NOS1AP: variants seen among roughly 807,000 people sequenced by gnomAD.
NOS1AP encodes nitric oxide synthase 1 adaptor protein, also known as carboxyl-terminal PDZ ligand of neuronal nitric oxide synthase protein.
A neutral mutation model predicts 56.2 loss-of-function variants in NOS1AP; 21 were observed. The ratio of observed to expected loss-of-function variants is 0.37; its 90% CI spans 0.26 to 0.54. The LOEUF (loss-of-function observed/expected upper bound fraction) is 0.54. NOS1AP is among the 20% of genes least tolerant of loss of function. The probability of loss-of-function intolerance (pLI) is 0.84; values close to 1 mark genes in which losing one functional copy is unlikely to be tolerated. For synonymous variants in NOS1AP, 270 were observed against 274.6 expected, an observed-to-expected ratio of 0.98 and a Z score of 0.17; for missense variants, 522 against 657.8, an observed-to-expected ratio of 0.79 and a Z score of 2.26.
chr1:162,301,400 G>A (rs994002769), intron 4 of NOS1AP, among the ~76,000 whole-genome samples: 27 of 152,172 alleles, frequency 1.8e-4, no homozygotes, highest in African/African-American at 2.4e-5. Flanking sequence ...ACTAGATGCC[G>A]AATCTGCCAG....
At chr1:162,077,323 C>T (rs1691790728) in intron 1 of NOS1AP, among the ~76,000 whole-genome samples, 2 of 152,014 alleles carry the variant, frequency 1.3e-5, no homozygotes, top group African/African-American at 2.4e-5. Context: ...TAGAATGTCT[C>T]CTCATTCCCT....
chr1:162,341,882 G>A (rs1485875464), intron 5 of NOS1AP, among the ~76,000 whole-genome samples: 1 of 152,184 alleles, frequency 6.6e-6, no homozygotes, highest in African/African-American at 2.4e-5. Flanking sequence ...TAGAAAGCTG[G>A]AGTGTTCCTA....
chr1:162,305,442 T>A (rs1264922119), intron 4 of NOS1AP, among the ~76,000 whole-genome samples: 1 of 152,074 alleles, frequency 6.6e-6, no homozygotes, highest in African/African-American at 2.4e-5. Flanking sequence ...TCACAGGAAG[T>A]GATTCGCTAT....
chr1:162,127,574 A>T (rs1558111812), intron 1 of NOS1AP, among the ~76,000 whole-genome samples: 1 of 151,952 alleles, frequency 6.6e-6, no homozygotes, highest in Admixed American at 6.6e-5. Context: ...TGCAAACTGT[A>T]TAGGAAGATT....
At chr1:162,128,147 A>T (rs573499314) in intron 1 of NOS1AP, among the ~76,000 whole-genome samples, 4 of 151,946 alleles carry the variant, frequency 2.6e-5, no homozygotes, top group African/African-American at 7.2e-5. Flanking sequence ...TTTTTTTTTT[A>T]AATGTAATTC....
In NOS1AP at chr1:162,367,534, T is replaced by C; in HGVS notation, c.*67T>C. The C allele has an allele frequency of 1.4e-6, 2 of 1,467,198 alleles. No homozygotes were observed. The highest frequency in any genetic ancestry group is 1.8e-6 in the Non-Finnish European group (2 of 1,099,158). 90.9% of individuals were successfully genotyped at this position (1,467,198 alleles called of 1,614,324 possible). A position where few individuals can be genotyped will look rare whatever the true frequency, so the allele number is the denominator to read the frequency against. ...GGGCCGTGTCTGGCTGCTGCCCGGG[T>C]AGGGGATGCCCAGTGAATGTGCACT... is the stretch of plus-strand genomic sequence containing the variant. On this transcript the variant is annotated 3_prime_UTR_variant, in exon 10 of 10. Transcript: ENST00000361897. This position sits in a 1 kb window ranked among gnomAD's most constrained non-coding sequence, Gnocchi z 6.5.
At chr1:162,225,417 T>C (rs1652909631) in intron 2 of NOS1AP, among the ~76,000 whole-genome samples, 1 of 152,236 alleles carries the variant, frequency 6.6e-6, no homozygotes. Context: ...ATCACTCACC[T>C]TCCTGAGCCT....
At chr1:162,179,919 T>C (rs1651192147) in intron 2 of NOS1AP, among the ~76,000 whole-genome samples, 1 of 152,014 alleles carries the variant, frequency 6.6e-6, no homozygotes, top group Non-Finnish European at 1.5e-5. Context: ...ATGCAGAGGA[T>C]GGATTGGGAG....
At chr1:162,089,232 C>T (rs899630998) in intron 1 of NOS1AP, among the ~76,000 whole-genome samples, 60 of 152,246 alleles carry the variant, frequency 3.9e-4, no homozygotes, top group African/African-American at 1.4e-3. Context: ...CTGATATTTC[C>T]AATATCTTAA....
At chr1:162,344,481 A>G (rs2101807718) in intron 6 of NOS1AP, among the ~76,000 whole-genome samples, 1 of 152,210 alleles carries the variant, frequency 6.6e-6, no homozygotes, top group South Asian at 2.1e-4. Flanking sequence ...AGATCACTTG[A>G]GCCCAGGAGT....
At chr1:162,304,375 C>G (rs1443896092) in intron 4 of NOS1AP, among the ~76,000 whole-genome samples, 1 of 152,182 alleles carries the variant, frequency 6.6e-6, no homozygotes, top group Admixed American at 6.5e-5. Context: ...AATTGTCTGT[C>G]TTGACACTAG....
At chr1:162,209,968 A>G (rs766286046) in intron 2 of NOS1AP, among the ~76,000 whole-genome samples, 1 of 152,158 alleles carries the variant, frequency 6.6e-6, no homozygotes, top group Non-Finnish European at 1.5e-5. Context: ...AGAGATAGAG[A>G]TATCAGACGA....
chr1:162,310,996 A>G (rs892049812), intron 4 of NOS1AP, among the ~76,000 whole-genome samples: 1 of 151,750 alleles, frequency 6.6e-6, no homozygotes, highest in Non-Finnish European at 1.5e-5. Flanking sequence ...TCTCCCTACA[A>G]ATATGTTCAG....
At chr1:162,266,020 A>G (rs1654411259) in intron 2 of NOS1AP, among the ~76,000 whole-genome samples, 2 of 152,306 alleles carry the variant, frequency 1.3e-5, no homozygotes, top group East Asian at 3.9e-4. Flanking sequence ...AGAGATGACA[A>G]AGGACAAAGA....
At chr1:162,351,442 AT>A (rs1260844322) in intron 6 of NOS1AP, among the ~76,000 whole-genome samples, 1 of 152,058 alleles carries the variant, frequency 6.6e-6, no homozygotes, top group African/African-American at 2.4e-5. Context: ...CCGATTACAC[AT>A]TTGTGATCCC....
At position 162,310,085 on chromosome 1, in the gene NOS1AP, AC is replaced by A. The variant is rs147655046; in HGVS notation, c.344+9380del. Among the ~76,000 whole-genome samples the A allele has an allele frequency of 6.8e-3, 1,037 of 152,024 alleles. 10 individuals are homozygous for A. The highest frequency in any genetic ancestry group is 0.023 in the African/African-American group (971 of 41,440). Reference sequence around the variant, plus strand: ...ATCAGAGACCTCCCAGACAGAGATGACTCTATATCTTCCCTTCTTCCACATC... The same window carrying A: ...ATCAGAGACCTCCCAGACAGAGATGATCTATATCTTCCCTTCTTCCACATC... On this transcript the variant is annotated intron_variant, in intron 4 of 9. Coordinates refer to ENST00000361897, the MANE Select transcript of NOS1AP (RefSeq NM_014697.3).
At chr1:162,116,839 C>T (rs1012819869) in intron 1 of NOS1AP, among the ~76,000 whole-genome samples, 1 of 152,202 alleles carries the variant, frequency 6.6e-6, no homozygotes, top group Admixed American at 6.5e-5. Flanking sequence ...CTCCCAACAG[C>T]TGCATCCTTT....
intron 8 of NOS1AP, among the ~76,000 whole-genome samples, chr1:162,360,288 G>A (rs182965212): frequency 3.0e-4 from 46 of 152,296 alleles, no homozygotes; most frequent in Admixed American, 9.8e-4. Flanking sequence ...CCGCTCTTCC[G>A]ACCCAGCATG....
intron 1 of NOS1AP, among the ~76,000 whole-genome samples, chr1:162,081,907 C>G (rs186691638): frequency 1.9e-4 from 29 of 150,872 alleles, no homozygotes; most frequent in African/African-American, 5.4e-4. Context: ...CCTGGCCCCA[C>G]TTCTATTTTT....
Sources: gnomAD v4.1 joint callset for allele counts (sites outside exome capture counted in the v4.1 genomes callset) on GRCh38, gnomAD v4.1.1 for gene constraint, Gnocchi (gnomAD v3.1) non-coding constraint, MANE v1.5 for transcripts, NCBI Gene and HGNC (gene_info 2026-07-23, HGNC 2026-07-21) for gene names.